The following ZMAT4 variants were observed in gnomAD, a reference collection of about 807,000 sequenced individuals.
ZMAT4 encodes zinc finger matrin-type protein 4.
A neutral mutation model predicts 28.7 loss-of-function variants in ZMAT4; 17 were observed. The observed-to-expected ratio is 0.59, with a 90% CI of 0.41 to 0.89. ZMAT4 has a LOEUF of 0.89. Ranked by LOEUF, ZMAT4 falls within the 40% of genes least tolerant of loss-of-function variation. The pLI is 0.00. For synonymous variants in ZMAT4, 117 were observed against 109.2 expected, an observed-to-expected ratio of 1.07 and a Z score of -0.44; for missense variants, 240 against 283.8, an observed-to-expected ratio of 0.85 and a Z score of 1.11.
chr8:40,888,209 G>A (rs552917000), intron 1 of ZMAT4, among the ~76,000 whole-genome samples: 2 of 152,328 alleles, frequency 1.3e-5, no homozygotes, highest in East Asian at 1.9e-4. Flanking sequence ...ACATCAGGTA[G>A]GCCAGCAGGA....
intron 5 of ZMAT4, among the ~76,000 whole-genome samples, chr8:40,643,160 C>G (rs1019764927): frequency 1.3e-5 from 2 of 152,136 alleles, no homozygotes; most frequent in African/African-American, 4.8e-5. Context: ...AAGCACATGT[C>G]TGTGCCCACA....
At chr8:40,658,619 TACACACACACACACACACAC>T (rs3038825) in intron 5 of ZMAT4, among the ~76,000 whole-genome samples, 4 of 145,502 alleles carry the variant, frequency 2.7e-5, no homozygotes, top group African/African-American at 5.2e-5. Flanking sequence ...GTTAGACACA[TACACACACACACACACACAC>T]ACACACACAC....
intron 2 of ZMAT4, among the ~76,000 whole-genome samples, chr8:40,798,455 G>A (rs1345193307): frequency 6.6e-6 from 1 of 152,192 alleles, no homozygotes; most frequent in Non-Finnish European, 1.5e-5. Flanking sequence ...TATGAGAAAA[G>A]ACGTTGCTGA....
At chr8:40,858,210 C>T (rs1817364648) in intron 1 of ZMAT4, among the ~76,000 whole-genome samples, 2 of 152,188 alleles carry the variant, frequency 1.3e-5, no homozygotes, top group Admixed American at 6.5e-5. Context: ...GACTCAAGAG[C>T]TCCAACAGAC....
At chr8:40,552,354 C>T (rs1324763323) in intron 6 of ZMAT4, among the ~76,000 whole-genome samples, 1 of 152,188 alleles carries the variant, frequency 6.6e-6, no homozygotes, top group Admixed American at 6.5e-5. Context: ...CACACGCAGT[C>T]ATAAAGCTAT....
At chr8:40,572,984 T>G (rs150185268) in intron 6 of ZMAT4, among the ~76,000 whole-genome samples, 2 of 152,158 alleles carry the variant, frequency 1.3e-5, no homozygotes, top group African/African-American at 4.8e-5. Flanking sequence ...GTCATTTAAC[T>G]TCTCTGAGAC....
intron 1 of ZMAT4, among the ~76,000 whole-genome samples, chr8:40,849,155 C>G (rs767738926): frequency 3.9e-5 from 6 of 152,250 alleles, no homozygotes; most frequent in Non-Finnish European, 8.8e-5. Context: ...GCCTGCAAAT[C>G]TAGGAACAAA....
chr8:40,654,820 G>GA (rs147720215), intron 5 of ZMAT4, among the ~76,000 whole-genome samples: 62,523 of 151,812 alleles, frequency 0.41, 13,183 homozygotes, highest in African/African-American at 0.49. Context: ...GAGTATTTAA[G>GA]AAAAAATCCA....
At chr8:40,749,752 C>T (rs1393195504) in intron 3 of ZMAT4, among the ~76,000 whole-genome samples, 1 of 152,132 alleles carries the variant, frequency 6.6e-6, no homozygotes, top group South Asian at 2.1e-4. Context: ...TAAAGAAATG[C>T]AATGCATCAA....
intron 2 of ZMAT4, among the ~76,000 whole-genome samples, chr8:40,773,144 A>G (rs980115845): frequency 4.6e-5 from 7 of 152,208 alleles, no homozygotes; most frequent in African/African-American, 7.2e-5. Flanking sequence ...AAATGGATGT[A>G]TCTTCTCTTA....
chr8:40,578,600 T>A (rs1376907670), intron 6 of ZMAT4, among the ~76,000 whole-genome samples: 1 of 152,070 alleles, frequency 6.6e-6, no homozygotes, highest in Admixed American at 6.6e-5. Flanking sequence ...ATTCTCTCTC[T>A]CCTCTCTCTC....
intron 4 of ZMAT4, among the ~76,000 whole-genome samples, chr8:40,683,248 A>G (rs1809254859): frequency 6.6e-6 from 1 of 152,202 alleles, no homozygotes; most frequent in African/African-American, 2.4e-5. Flanking sequence ...TGCCGGAATC[A>G]ATGATAGCAT....
rs1317407304 is a variant in ZMAT4 at position 40,601,630 on chromosome 8, GA to G, written c.578-20370del. 8.9e-4 allele frequency among the ~76,000 whole-genome samples: 23 copies of G among 25,968 alleles called. 2 individuals are homozygous for G. In the South Asian group the frequency reaches 0.022, roughly 25 times the overall value. 17.0% of individuals were successfully genotyped at this position (25,968 alleles called of 152,430 possible). On this transcript the variant is annotated intron_variant, in intron 5 of 6. Transcript: ENST00000297737. ...AGAAAGAAAGAAAGAAAGAAAGAAA[GA>G]AAGAGAAAGAAAGAAAGAAAGAAAG... is the stretch of plus-strand genomic sequence containing the variant.
intron 1 of ZMAT4, among the ~76,000 whole-genome samples, chr8:40,851,785 T>C (rs1817116722): frequency 6.6e-6 from 1 of 152,240 alleles, no homozygotes; most frequent in Admixed American, 6.5e-5. Flanking sequence ...AATATATTAT[T>C]GCTAACTATA....
intron 6 of ZMAT4, among the ~76,000 whole-genome samples, chr8:40,559,033 C>T (rs1465572684): frequency 6.6e-6 from 1 of 152,194 alleles, no homozygotes; most frequent in African/African-American, 2.4e-5. Context: ...TATGTTTTAA[C>T]TGCCACAGGT....
rs1291304410 is a variant in ZMAT4, at chr8:40,601,493, G to GAAAAA, written c.578-20233_578-20232insTTTTT. ...GGAAAGAAAGAAAGAAAGAAAGAAA[G>GAAAAA]AGAGAAAGAAAGAAAGAGAAAGAGA... On this transcript the variant is annotated intron_variant, in intron 5 of 6. Transcript: ENST00000297737. Among the ~76,000 whole-genome samples the GAAAAA allele has an allele frequency of 5.2e-3, 329 of 63,178 alleles. 47 individuals carry two copies. The highest frequency in any genetic ancestry group is 8.2e-3 in the Non-Finnish European group (171 of 20,788). 41.4% of individuals were successfully genotyped at this position (63,178 alleles called of 152,430 possible).
chr8:40,737,644 C>T (rs544321004), intron 3 of ZMAT4, among the ~76,000 whole-genome samples: 8 of 152,080 alleles, frequency 5.3e-5, no homozygotes, highest in Admixed American at 3.3e-4. Context: ...GCCATGTGAG[C>T]GGGACGTAAA....
At chr8:40,757,931 C>A (rs1812763651) in intron 3 of ZMAT4, among the ~76,000 whole-genome samples, 1 of 152,154 alleles carries the variant, frequency 6.6e-6, no homozygotes, top group Admixed American at 6.5e-5. Flanking sequence ...GAAGACTAGA[C>A]TGGCTGAGTC....
At chr8:40,713,926 A>T (rs1382895001) in intron 3 of ZMAT4, among the ~76,000 whole-genome samples, 3 of 150,366 alleles carry the variant, frequency 2.0e-5, no homozygotes, top group Admixed American at 6.6e-5. Flanking sequence ...AAAACCAAAA[A>T]AAAAAAAAAA....
Sources: gnomAD v4.1 joint callset for allele counts (sites outside exome capture counted in the v4.1 genomes callset) on GRCh38, gnomAD v4.1.1 for gene constraint, MANE v1.5 for transcripts, NCBI Gene and HGNC (gene_info 2026-07-23, HGNC 2026-07-21) for gene names.